Variants in SLC35F5 observed in about 807,000 individuals in gnomAD.
SLC35F5 encodes the protein HCV NS5A-transactivated protein 3.
SLC35F5 carries 54 observed loss-of-function variants against 68.6 expected under a neutral mutation model. That is an observed-to-expected ratio of 0.79 (90% CI 0.63 to 0.99). SLC35F5 has a LOEUF of 0.99. SLC35F5 is among the 50% of genes least tolerant of loss of function. SLC35F5 has a pLI of 0.00. For synonymous variants in SLC35F5, 211 were observed against 205.2 expected (o/e 1.03, Z -0.24); for missense variants, 567 against 626.9 (o/e 0.90, Z 1.02).
At chr2:113,738,597 C>G (rs1439882920) in intron 7 of SLC35F5, among the ~76,000 whole-genome samples, 1 of 151,446 alleles carries the variant, frequency 6.6e-6, no homozygotes, top group Non-Finnish European at 1.5e-5. Flanking sequence ...ATTTCATTTA[C>G]TTTGGATATG....
downstream of SLC35F5, chr2:113,705,056 ACAGT>A (rs1384232956): frequency 1.3e-5 from 2 of 152,234 alleles, no homozygotes; most frequent in East Asian, 1.9e-4. Context: ...CACTAGACTG[ACAGT>A]CAGAAAATGT....
At chr2:113,705,561 A>AT (rs1686779000), downstream of SLC35F5, 1 of 152,174 alleles carries the variant, frequency 6.6e-6, no homozygotes, top group African/African-American at 2.4e-5. Context: ...AAAAAAAAAA[A>AT]AATGCTGTGA....
intron 14 of SLC35F5, among the ~76,000 whole-genome samples, chr2:113,718,485 T>C (rs925516990): frequency 6.6e-6 from 1 of 152,188 alleles, no homozygotes; most frequent in African/African-American, 2.4e-5. Flanking sequence ...TTTTCTATAT[T>C]TAAGTTTGTT....
intron 4 of SLC35F5, among the ~76,000 whole-genome samples, chr2:113,747,577 C>A (rs1676547139): frequency 6.6e-6 from 1 of 152,088 alleles, no homozygotes; most frequent in Non-Finnish European, 1.5e-5. Context: ...AGTTCTACTT[C>A]CCAAAAAATA....
intron 5 of SLC35F5, among the ~76,000 whole-genome samples, chr2:113,744,797 ATAAAG>A (rs938125948): frequency 6.6e-6 from 1 of 152,184 alleles, no homozygotes; most frequent in Non-Finnish European, 1.5e-5. Context: ...AAGCTGAGGT[ATAAAG>A]TAATCAGGTA....
At chr2:113,704,602 G>A (rs1686762222), downstream of SLC35F5, among the ~76,000 whole-genome samples, 1 of 152,060 alleles carries the variant, frequency 6.6e-6, no homozygotes, top group Non-Finnish European at 1.5e-5. Context: ...CCGGTGGGCC[G>A]GCACTGCTGG....
At chr2:113,756,139 C>T in intron 1 of SLC35F5, 1 of 1,445,068 alleles carries the variant, frequency 6.9e-7, no homozygotes, top group East Asian at 2.5e-5. Context: ...AAGGCAGCGA[C>T]GCCTCCCCGG....
intron 7 of SLC35F5, among the ~76,000 whole-genome samples, chr2:113,736,582 G>A (rs1180454760): frequency 6.6e-6 from 1 of 152,160 alleles, no homozygotes; most frequent in Non-Finnish European, 1.5e-5. Flanking sequence ...TATTAAACCA[G>A]ATGATGTGCA....
chr2:113,749,233 G>A (rs1003015695), intron 4 of SLC35F5, among the ~76,000 whole-genome samples: 1 of 152,236 alleles, frequency 6.6e-6, no homozygotes, highest in African/African-American at 2.4e-5. Flanking sequence ...TGGGTGCAGT[G>A]GCTCAGGTCT....
chr2:113,743,500 A>C (rs1247632923), intron 6 of SLC35F5, among the ~76,000 whole-genome samples: 1 of 152,188 alleles, frequency 6.6e-6, no homozygotes, highest in African/African-American at 2.4e-5. Context: ...ATAGAGATTT[A>C]TGGTATTTGG....
intron 5 of SLC35F5, among the ~76,000 whole-genome samples, chr2:113,745,032 A>AC (rs1676432941): frequency 1.3e-5 from 2 of 152,016 alleles, no homozygotes; most frequent in African/African-American, 4.8e-5. Flanking sequence ...ACCAACAACA[A>AC]AAAAAAATTC....
chr2:113,755,990 C>T (rs1215905137), intron 1 of SLC35F5: 44 of 1,538,126 alleles, frequency 2.9e-5, no homozygotes, highest in Non-Finnish European at 3.7e-5. Context: ...CTTGAAGGCA[C>T]CTTTCCAATC....
chr2:113,745,600 T>C (rs1676453512), intron 5 of SLC35F5, among the ~76,000 whole-genome samples: 1 of 152,186 alleles, frequency 6.6e-6, no homozygotes, highest in Admixed American at 6.5e-5. Context: ...AGCCCAGCAG[T>C]TGAAAGTTAG....
rs752240805 is a variant in SLC35F5 at position 113,742,669 on chromosome 2, C to T, written c.750+23G>A. ...AAATTCAAGTTTCAAACATCATATG[C>T]AAACATATCATAAAAGACCTACCAC... On this transcript the variant is annotated intron_variant, in intron 7 of 15. Transcript: ENST00000245680. 4 of 1,609,650 alleles carry T rather than the reference C, an allele frequency of 2.5e-6. No individual in the cohort carries two copies. The Admixed American group carries it at 6.7e-5, about 27-fold the overall frequency.
At chr2:113,744,656 T>G (rs908041545) in intron 5 of SLC35F5, among the ~76,000 whole-genome samples, 1 of 151,994 alleles carries the variant, frequency 6.6e-6, no homozygotes, top group African/African-American at 2.4e-5. Flanking sequence ...GAGGTGGAGG[T>G]AGGCAAATTG....
intron 7 of SLC35F5, 106 bp from the exon 8 acceptor site, chr2:113,735,964 C>T (rs1688078300): frequency 3.0e-6 from 2 of 660,324 alleles, no homozygotes; most frequent in Non-Finnish European, 5.2e-6. Context: ...ACCGTTCTCA[C>T]AAGATGTTTT....
intron 7 of SLC35F5, among the ~76,000 whole-genome samples, chr2:113,737,820 C>G (rs139327916): frequency 1.2e-3 from 181 of 152,302 alleles, no homozygotes; most frequent in African/African-American, 4.1e-3. Context: ...AAAGAAGACC[C>G]ATCTCAACCA....
downstream of SLC35F5, among the ~76,000 whole-genome samples, chr2:113,704,488 C>G (rs1574189685): frequency 6.6e-6 from 1 of 152,210 alleles, no homozygotes; most frequent in East Asian, 1.9e-4. Context: ...TCTGGCCACA[C>G]AGGAGCCCAC....
At chr2:113,743,842 A>G in intron 5 of SLC35F5, 48 bp from the exon 6 acceptor site, 4 of 1,470,746 alleles carry the variant, frequency 2.7e-6, no homozygotes, top group Non-Finnish European at 3.7e-6. Flanking sequence ...AAAAGCTAAC[A>G]TAGTGGTTAA....
Sources: allele counts gnomAD v4.1 joint callset (sites outside exome capture counted in the v4.1 genomes callset), GRCh38; gene constraint gnomAD v4.1.1; transcripts MANE v1.5; gene names NCBI Gene and HGNC (gene_info 2026-07-23, HGNC 2026-07-21).